PDE4D: variants seen among roughly 807,000 people sequenced by gnomAD.
The protein encoded by PDE4D is phosphodiesterase 4D.
In PDE4D, 24 loss-of-function variants were observed where a neutral mutation model predicts 87.4. That is an observed-to-expected ratio of 0.27 (90% confidence interval 0.20 to 0.39). The LOEUF (loss-of-function observed/expected upper bound fraction) is 0.39. Ranked by LOEUF, PDE4D falls within the 10% of genes least tolerant of loss-of-function variation. The pLI is 1.00. For synonymous variants in PDE4D, 384 were observed against 383.2 expected, an observed-to-expected ratio of 1.00 and a Z score of -0.02; for missense variants, 714 against 1,041.0, an observed-to-expected ratio of 0.69 and a Z score of 4.32.
In PDE4D at chr5:60,398,183, T is replaced by C. The variant is rs72755117; in HGVS notation, c.-90+89759A>G. The stretch of plus-strand genomic sequence containing the variant: ...GCCCAGCTGGGAAGACCTCCTATTT[T>C]TGAACTGATTTGCAAATGATAGTGG... On this transcript the variant is annotated intron_variant, in intron 1 of 16. Coordinates refer to the PDE4D transcript ENST00000502484. Among the ~76,000 whole-genome samples the C allele has an allele frequency of 1.8e-3, 271 of 152,342 alleles. 3 individuals are homozygous for C. Among genetic ancestry groups the C allele is most frequent in the Non-Finnish European group, 1.6e-3 (112 of 68,026 alleles).
intron 1 of PDE4D, among the ~76,000 whole-genome samples, chr5:60,420,419 T>C (rs1488846923): frequency 6.6e-6 from 1 of 152,156 alleles, no homozygotes; most frequent in Non-Finnish European, 1.5e-5. Flanking sequence ...CCTAAAACCA[T>C]GCTTAAACAT....
chr5:59,941,502 A>G (rs1366719080), intron 3 of PDE4D, among the ~76,000 whole-genome samples: 1 of 152,184 alleles, frequency 6.6e-6, no homozygotes, highest in Non-Finnish European at 1.5e-5. Flanking sequence ...GCCTTTCACC[A>G]TAGCTTCCAC....
At chr5:59,266,202 G>T (rs192068067) in intron 1 of PDE4D, among the ~76,000 whole-genome samples, 71 of 151,998 alleles carry the variant, frequency 4.7e-4, no homozygotes, top group Non-Finnish European at 2.9e-5. Flanking sequence ...AGGCTGTAGT[G>T]CATATGATCA....
chr5:60,209,708 T>C lies in PDE4D; in HGVS notation c.-89-24021A>G, dbSNP rs199886478. ...AGAAAGAGAGCCGGAGGGAGGAGAG[T>C]GGGAGGAGAGGAAAAGAGGGAGAAA... On this transcript the variant is annotated intron_variant, in intron 1 of 16. Transcript: ENST00000502484. Among the ~76,000 whole-genome samples, 55 of 140,112 alleles carry C rather than the reference T, an allele frequency of 3.9e-4. No individual in the cohort carries two copies. In the East Asian group the frequency reaches 0.01, roughly 26 times the overall value. The allele number at this position is 140,112 out of a possible 152,430, so 91.9% of individuals were successfully genotyped here.
chr5:59,219,526 GAGAGAC>G (rs1561739615), intron 1 of PDE4D, among the ~76,000 whole-genome samples: 3 of 151,904 alleles, frequency 2.0e-5, no homozygotes, highest in Non-Finnish European at 4.4e-5. Context: ...TTTATACAAA[GAGAGAC>G]TTTGTATTTT....
chr5:59,128,460 G>C (rs1172878884), intron 5 of PDE4D, among the ~76,000 whole-genome samples: 29 of 152,146 alleles, frequency 1.9e-4, no homozygotes. Context: ...ACTAAACCCA[G>C]TATGCATTCC....
chr5:59,532,106 T>G (rs2153679990), intron 1 of PDE4D, among the ~76,000 whole-genome samples: 1 of 152,238 alleles, frequency 6.6e-6, no homozygotes, highest in African/African-American at 2.4e-5. Context: ...ATATTTGAAG[T>G]GCAGGCGCTA....
intron 6 of PDE4D, among the ~76,000 whole-genome samples, chr5:59,028,863 G>A (rs1000620543): frequency 3.9e-5 from 6 of 152,010 alleles, no homozygotes; most frequent in Admixed American, 3.9e-4. Context: ...GTTAGTAAAT[G>A]GTAGGCAAAA....
At chr5:59,663,949 C>T (rs1245277989) in intron 1 of PDE4D, among the ~76,000 whole-genome samples, 1 of 152,118 alleles carries the variant, frequency 6.6e-6, no homozygotes, top group African/African-American at 2.4e-5. Context: ...CAACCTCCTT[C>T]GCATTCTGAA....
chr5:60,471,075 C>T (rs1747780679), intron 1 of PDE4D, among the ~76,000 whole-genome samples: 1 of 152,142 alleles, frequency 6.6e-6, no homozygotes. Flanking sequence ...CCATTAAAAA[C>T]ATTCATGACT....
At chr5:59,847,782 G>GA in intron 1 of PDE4D, among the ~76,000 whole-genome samples, 1 of 152,098 alleles carries the variant, frequency 6.6e-6, no homozygotes, top group Non-Finnish European at 1.5e-5. Flanking sequence ...AGTCCTGCCT[G>GA]AAACCATTGG....
intron 1 of PDE4D, among the ~76,000 whole-genome samples, chr5:59,457,174 G>A (rs2153644421): frequency 6.6e-6 from 1 of 152,312 alleles, no homozygotes; most frequent in South Asian, 2.1e-4. Context: ...GTCAATAAAT[G>A]TGGTAAACTT....
chr5:59,950,505 C>T (rs1322301109), intron 3 of PDE4D, among the ~76,000 whole-genome samples: 1 of 151,986 alleles, frequency 6.6e-6, no homozygotes, highest in East Asian at 1.9e-4. Context: ...ATCTTTGTGT[C>T]TCTCAAACAC....
intron 2 of PDE4D, among the ~76,000 whole-genome samples, chr5:60,104,536 C>G (rs918643785): frequency 1.5e-4 from 23 of 152,228 alleles, no homozygotes; most frequent in Admixed American, 1.4e-3. Flanking sequence ...AGCTGGAGAT[C>G]TGAGAATGGG....
At chr5:59,196,599 A>G (rs1745499798) in intron 2 of PDE4D, among the ~76,000 whole-genome samples, 1 of 152,224 alleles carries the variant, frequency 6.6e-6, no homozygotes, top group Non-Finnish European at 1.5e-5. Flanking sequence ...AAGCATGAAG[A>G]CAAAATCCAG....
chr5:59,893,440 C>T lies in PDE4D; in HGVS notation c.183G>A (p.Pro61=). Residue 61 remains proline (P), a synonymous_variant, in exon 1 of 15, where the codon CCG becomes CCA. Transcript: ENST00000340635. ...GGGGCTGGGGCTGGGGCGAGGGTGGCGGCGGCGGGGGCAGGTGGTGATGGG... is the reference window on the plus strand; with the variant it reads ...GGGGCTGGGGCTGGGGCGAGGGTGGTGGCGGCGGGGGCAGGTGGTGATGGG... The part of the protein sequence containing the change: ...LHPHHHLPPP[P]PPSPQPQPQC... 3 of 1,504,040 alleles carry T rather than the reference C, an allele frequency of 2.0e-6. No homozygotes were observed. The highest frequency in any genetic ancestry group is 1.8e-6 in the Non-Finnish European group (2 of 1,122,844). 93.2% of individuals were successfully genotyped at this position (1,504,040 alleles called of 1,614,324 possible). A position where few individuals can be genotyped will look rare whatever the true frequency, so the allele number is the denominator to read the frequency against.
At chr5:58,999,548 T>G in intron 6 of PDE4D, 1 of 1,258,800 alleles carries the variant, frequency 7.9e-7, no homozygotes, top group Non-Finnish European at 1.0e-6. Flanking sequence ...TTTGATTGAT[T>G]ATATGTATAT....
chr5:60,233,392 CA>C (rs1219464735), intron 1 of PDE4D, among the ~76,000 whole-genome samples: 1 of 151,672 alleles, frequency 6.6e-6, no homozygotes, highest in Non-Finnish European at 1.5e-5. Context: ...GGCCACTGAA[CA>C]AAGACATAGT....
chr5:60,223,582 T>C (rs553372384), intron 1 of PDE4D, among the ~76,000 whole-genome samples: 1 of 152,176 alleles, frequency 6.6e-6, no homozygotes, highest in Admixed American at 6.5e-5. Flanking sequence ...TAATTTATCC[T>C]CCTAGCATGA....
Sources: allele counts gnomAD v4.1 joint callset (sites outside exome capture counted in the v4.1 genomes callset), GRCh38; gene constraint gnomAD v4.1.1; transcripts MANE v1.5; gene names NCBI Gene and HGNC (gene_info 2026-07-23, HGNC 2026-07-21).